TSPAN9: variants seen among roughly 807,000 people sequenced by gnomAD.
The protein encoded by TSPAN9 is tetraspanin 9.
In TSPAN9, 16 loss-of-function variants were observed where a neutral mutation model predicts 31.0. That is an observed-to-expected ratio of 0.52 (90% CI 0.35 to 0.78). The LOEUF (loss-of-function observed/expected upper bound fraction) is 0.78. TSPAN9 is among the 30% of genes least tolerant of loss of function. The pLI, the probability that TSPAN9 is intolerant of heterozygous loss-of-function variation, is 0.01. For synonymous variants in TSPAN9, 145 were observed against 121.6 expected, an observed-to-expected ratio of 1.19 and a Z score of -1.27; for missense variants, 272 against 312.5, an observed-to-expected ratio of 0.87 and a Z score of 0.98.
At chr12:3,205,794 G>A (rs1391619741) in intron 3 of TSPAN9, among the ~76,000 whole-genome samples, 2 of 152,004 alleles carry the variant, frequency 1.3e-5, no homozygotes, top group African/African-American at 4.8e-5. Context: ...TAGATCTTAA[G>A]GGTGGGTCAG....
chr12:3,273,508 C>A (rs990441877), intron 3 of TSPAN9, among the ~76,000 whole-genome samples: 1 of 152,280 alleles, frequency 6.6e-6, no homozygotes, highest in Middle Eastern at 3.4e-3. Flanking sequence ...CCAGATTGTC[C>A]CATCGTGGGC....
At chr12:3,097,225 T>C (rs6489437) in intron 2 of TSPAN9, among the ~76,000 whole-genome samples, 75,913 of 151,984 alleles carry the variant, frequency 0.5, 19,893 homozygotes, top group African/African-American at 0.64. Flanking sequence ...CATGCCTGCT[T>C]CCGTCTTCGT....
At chr12:3,134,184 C>T (rs1016614041) in intron 2 of TSPAN9, among the ~76,000 whole-genome samples, 2 of 152,192 alleles carry the variant, frequency 1.3e-5, no homozygotes, top group South Asian at 2.1e-4. Flanking sequence ...CTCAGTAGGT[C>T]GCATTGCTAA....
chr12:3,199,775 AGGCCCCC>A (rs2098370159), intron 2 of TSPAN9, among the ~76,000 whole-genome samples: 1 of 152,066 alleles, frequency 6.6e-6, no homozygotes, highest in South Asian at 2.1e-4. Context: ...CACCCCGCAG[AGGCCCCC>A]GGCGCTTTCC....
intron 2 of TSPAN9, among the ~76,000 whole-genome samples, chr12:3,130,093 A>G (rs1010623956): frequency 7.2e-5 from 11 of 152,188 alleles, no homozygotes; most frequent in African/African-American, 2.7e-4. Flanking sequence ...GGCCCTCTCC[A>G]GGATAGTGCT....
Position 3,283,184 on chromosome 12 carries a change from C to A in TSPAN9, c.*68C>A. The A allele has an allele frequency of 2.6e-6, 4 of 1,543,416 alleles. No homozygotes were observed. The highest frequency in any genetic ancestry group is 1.1e-5 in the South Asian group (1 of 88,990). ...GAGGGAAGAGGATTGAGCTTTGTGT[C>A]ACCTGCCTGCGCTCTCCAGATATGA... On this transcript the variant is annotated 3_prime_UTR_variant, in exon 9 of 9. Coordinates refer to ENST00000011898, the MANE Select transcript of TSPAN9 (RefSeq NM_006675.5).
chr12:3,118,694 T>C (rs1442822626), intron 2 of TSPAN9, among the ~76,000 whole-genome samples: 1 of 152,176 alleles, frequency 6.6e-6, no homozygotes, highest in Non-Finnish European at 1.5e-5. Flanking sequence ...ACTCCCTCCC[T>C]GCAGCTGTGC....
chr12:3,120,778 C>T (rs1200793934), intron 2 of TSPAN9, among the ~76,000 whole-genome samples: 1 of 152,244 alleles, frequency 6.6e-6, no homozygotes, highest in Non-Finnish European at 1.5e-5. Flanking sequence ...GTTGACCAAG[C>T]CCCCATCACC....
At chr12:3,149,093 G>T (rs1178230375) in intron 2 of TSPAN9, among the ~76,000 whole-genome samples, 5 of 152,234 alleles carry the variant, frequency 3.3e-5, no homozygotes, top group African/African-American at 1.2e-4. Flanking sequence ...GAAAAGAATA[G>T]AAATGGTCGA....
chr12:3,122,598 T>C (rs145154513), intron 2 of TSPAN9, among the ~76,000 whole-genome samples: 13 of 152,138 alleles, frequency 8.5e-5, no homozygotes, highest in African/African-American at 2.9e-4. Context: ...TTTGAATCTT[T>C]TGTCTGAGCC....
At chr12:3,125,627 A>AT (rs2098327013) in intron 2 of TSPAN9, among the ~76,000 whole-genome samples, 1 of 151,838 alleles carries the variant, frequency 6.6e-6, no homozygotes, top group Non-Finnish European at 1.5e-5. Flanking sequence ...AATTTAATTG[A>AT]TTTTTTTTCT....
intron 2 of TSPAN9, among the ~76,000 whole-genome samples, chr12:3,095,481 C>T (rs1416613357): frequency 4.3e-5 from 5 of 116,568 alleles, no homozygotes; most frequent in Admixed American, 2.3e-4. Context: ...CCGGACGGGG[C>T]GGCTGGCCGG....
chr12:3,179,217 G>C (rs923260912), intron 2 of TSPAN9, among the ~76,000 whole-genome samples: 8 of 152,032 alleles, frequency 5.3e-5, no homozygotes, highest in Admixed American at 3.3e-4. Flanking sequence ...AGACAGGAAG[G>C]CACCTCCCAA....
At chr12:3,167,191 A>C (rs113874229) in intron 2 of TSPAN9, among the ~76,000 whole-genome samples, 18 of 152,332 alleles carry the variant, frequency 1.2e-4, no homozygotes, top group African/African-American at 4.3e-4. Flanking sequence ...AGATTCATCC[A>C]CGTAGCTGCA....
chr12:3,159,255 C>T (rs1257476831), intron 2 of TSPAN9, among the ~76,000 whole-genome samples: 1 of 151,264 alleles, frequency 6.6e-6, no homozygotes, highest in East Asian at 1.9e-4. Flanking sequence ...CCAGCTCTGC[C>T]TCTCACCAGC....
At chr12:3,238,576 A>T (rs888400618) in intron 3 of TSPAN9, among the ~76,000 whole-genome samples, 18 of 152,348 alleles carry the variant, frequency 1.2e-4, no homozygotes, top group Middle Eastern at 3.4e-3. Context: ...CCTCACGGGA[A>T]CGGCCCTGGC....
intron 2 of TSPAN9, among the ~76,000 whole-genome samples, chr12:3,092,935 G>A (rs2098305609): frequency 6.6e-6 from 1 of 152,214 alleles, no homozygotes; most frequent in South Asian, 2.1e-4. Flanking sequence ...GCCCAGGGCT[G>A]GGGGAGCTGG....
At chr12:3,230,168 C>T (rs2098389906) in intron 3 of TSPAN9, among the ~76,000 whole-genome samples, 1 of 152,204 alleles carries the variant, frequency 6.6e-6, no homozygotes, top group South Asian at 2.1e-4. Flanking sequence ...TGGTCTCTCC[C>T]CAGGATTGCC....
At chr12:3,197,172 T>G (rs1321583511) in intron 2 of TSPAN9, among the ~76,000 whole-genome samples, 1 of 152,222 alleles carries the variant, frequency 6.6e-6, no homozygotes, top group Non-Finnish European at 1.5e-5. Context: ...GCCTTGCCCT[T>G]GATCACACAG....
Sources: gnomAD v4.1 joint callset for allele counts (sites outside exome capture counted in the v4.1 genomes callset) on GRCh38, gnomAD v4.1.1 for gene constraint, MANE v1.5 for transcripts, NCBI Gene and HGNC (gene_info 2026-07-23, HGNC 2026-07-21) for gene names.